The following APBB2 variants were observed in gnomAD, a reference collection of about 807,000 sequenced individuals.
APBB2 encodes the protein amyloid beta precursor protein binding family B member 2.
In APBB2, 38 loss-of-function variants were observed where a neutral mutation model predicts 82.5. That is an observed-to-expected ratio of 0.46 (90% confidence interval 0.36 to 0.60). The LOEUF is 0.60. APBB2 is among the 20% of genes least tolerant of loss of function. The probability of loss-of-function intolerance (pLI) is 0.00; values close to 1 mark genes in which losing one functional copy is unlikely to be tolerated. For missense variants in APBB2, 772 were observed against 972.3 expected, an observed-to-expected ratio of 0.79 and a Z score of 2.74; for synonymous variants, 341 against 368.2, an observed-to-expected ratio of 0.93 and a Z score of 0.85.
intron 6 of APBB2, among the ~76,000 whole-genome samples, chr4:41,003,156 A>G (rs1805700186): frequency 6.6e-6 from 1 of 152,124 alleles, no homozygotes; most frequent in Admixed American, 6.6e-5. Context: ...TTCCACACTT[A>G]TTCCCAATCT....
chr4:41,005,043 A>G (rs1414520215), intron 6 of APBB2, among the ~76,000 whole-genome samples: 1 of 152,072 alleles, frequency 6.6e-6, no homozygotes, highest in East Asian at 1.9e-4. Context: ...GAGCTGTTCG[A>G]GTTTGCTATC....
intron 2 of APBB2, among the ~76,000 whole-genome samples, chr4:41,130,782 G>A (rs867088285): frequency 2.0e-5 from 3 of 151,866 alleles, no homozygotes; most frequent in African/African-American, 4.8e-5. Flanking sequence ...CTCCCCATCC[G>A]CCCTCCCTTC....
intron 6 of APBB2, among the ~76,000 whole-genome samples, chr4:40,950,508 T>TTAAGACCAGCCTGGG (rs1294548675): frequency 6.6e-6 from 1 of 152,150 alleles, no homozygotes; most frequent in East Asian, 1.9e-4. Flanking sequence ...GTCTAGGAGT[T>TTAAGACCAGCCTGGG]TAAGACCAGC....
chr4:41,124,272 G>A (rs570377538), intron 2 of APBB2, among the ~76,000 whole-genome samples: 1 of 152,240 alleles, frequency 6.6e-6, no homozygotes, highest in South Asian at 2.1e-4. Context: ...AGGCTGGAGT[G>A]CAGTGGCGTG....
At chr4:40,898,047 G>A (rs1217477804) in intron 10 of APBB2, among the ~76,000 whole-genome samples, 1 of 152,176 alleles carries the variant, frequency 6.6e-6, no homozygotes, top group African/African-American at 2.4e-5. Context: ...TGTCATCAGA[G>A]GAGTCTGGAT....
intron 5 of APBB2, among the ~76,000 whole-genome samples, chr4:41,017,764 T>C (rs1298929526): frequency 6.6e-6 from 1 of 152,192 alleles, no homozygotes; most frequent in African/African-American, 2.4e-5. Context: ...GAAATGGTCT[T>C]GTTGCAGAGA....
At chr4:40,928,065 C>G (rs1481962048) in intron 10 of APBB2, among the ~76,000 whole-genome samples, 1 of 152,160 alleles carries the variant, frequency 6.6e-6, no homozygotes. Flanking sequence ...TTGAGAAGTG[C>G]AAGCTACCTG....
At chr4:40,908,099 G>A (rs1177060437) in intron 10 of APBB2, among the ~76,000 whole-genome samples, 8 of 151,802 alleles carry the variant, frequency 5.3e-5, no homozygotes, top group African/African-American at 1.7e-4. Flanking sequence ...CTGTGTGTGT[G>A]TGTGGTATCC....
intron 10 of APBB2, among the ~76,000 whole-genome samples, chr4:40,912,056 A>G (rs546468925): frequency 2.4e-4 from 37 of 152,354 alleles, no homozygotes; most frequent in African/African-American, 8.9e-4. Flanking sequence ...ACAGAATGCA[A>G]TAATATTTAG....
At chr4:41,016,059 T>A (rs936705448) in intron 5 of APBB2, among the ~76,000 whole-genome samples, 1 of 152,198 alleles carries the variant, frequency 6.6e-6, no homozygotes. Flanking sequence ...GAAACCTACA[T>A]GAAGTTTTCC....
chr4:40,976,833 A>T (rs1797282526), intron 6 of APBB2, among the ~76,000 whole-genome samples: 1 of 152,108 alleles, frequency 6.6e-6, no homozygotes, highest in Non-Finnish European at 1.5e-5. Flanking sequence ...TGAGCCTAGG[A>T]GTTTGAGATC....
chr4:40,821,828 G>C (rs1329215160), intron 17 of APBB2, 43 bp downstream of exon 17: 1 of 1,603,646 alleles, frequency 6.2e-7, no homozygotes, highest in South Asian at 1.1e-5. Context: ...TTAGAGATGA[G>C]CAGAGGCGGG....
chr4:41,082,136 G>A (rs1212858485), intron 3 of APBB2, among the ~76,000 whole-genome samples: 1 of 152,158 alleles, frequency 6.6e-6, no homozygotes, highest in African/African-American at 2.4e-5. Flanking sequence ...GGATAGGTCA[G>A]GAGGGGCCAT....
At chr4:41,200,575 G>C (rs1170665687) in intron 1 of APBB2, among the ~76,000 whole-genome samples, 1 of 152,106 alleles carries the variant, frequency 6.6e-6, no homozygotes, top group Non-Finnish European at 1.5e-5. Flanking sequence ...TGATTATCCT[G>C]AGCACATTCT....
At position 40,830,729 on chromosome 4, in the gene APBB2, T is replaced by A. The variant is rs1390545187; in HGVS notation, c.1530-152A>T. The A allele has an allele frequency of 6.7e-6, 4 of 600,906 alleles. No individual in the cohort carries two copies. The African/African-American group carries it at 7.4e-5, about 11-fold the overall frequency. 37.2% of individuals were successfully genotyped at this position (600,906 alleles called of 1,614,324 possible). A position where few individuals can be genotyped will look rare whatever the true frequency, so the allele number is the denominator to read the frequency against. On this transcript the variant is annotated intron_variant, in intron 12 of 17. Transcript: ENST00000508593. ...GAAAAATTAAATTACAATAGCTTCC[T>A]AACATATAGTTTTATGACAATTAGA...
At chr4:41,010,354 G>A (rs945670294) in intron 6 of APBB2, among the ~76,000 whole-genome samples, 6 of 152,108 alleles carry the variant, frequency 3.9e-5, no homozygotes, top group Non-Finnish European at 5.9e-5. Context: ...AACTTTCAGA[G>A]AGAAAACTAA....
At chr4:41,155,138 G>C (rs1292398686) in intron 1 of APBB2, among the ~76,000 whole-genome samples, 1 of 152,180 alleles carries the variant, frequency 6.6e-6, no homozygotes, top group African/African-American at 2.4e-5. Context: ...AACAACTTGA[G>C]GATATCCACA....
intron 3 of APBB2, among the ~76,000 whole-genome samples, chr4:41,074,608 ATTTT>A (rs370714146): frequency 2.2e-5 from 3 of 136,706 alleles, no homozygotes; most frequent in Non-Finnish European, 3.1e-5. Context: ...TATTATTATT[ATTTT>A]TTTTTTTTTT....
intron 1 of APBB2, chr4:41,177,587 C>A (rs73232107): frequency 7.9e-5 from 12 of 152,228 alleles, no homozygotes; most frequent in Admixed American, 1.3e-4. Context: ...ATATTAAATT[C>A]TTTGTTTTAT....
Sources: allele counts gnomAD v4.1 joint callset (sites outside exome capture counted in the v4.1 genomes callset), GRCh38; gene constraint gnomAD v4.1.1; transcripts MANE v1.5; gene names NCBI Gene and HGNC (gene_info 2026-07-23, HGNC 2026-07-21).